FAM149A: variants seen among roughly 807,000 people sequenced by gnomAD.
The protein encoded by FAM149A is protein FAM149A.
Under a neutral mutation model 78.2 loss-of-function variants are expected in FAM149A, and 71 were observed. The ratio of observed to expected loss-of-function variants is 0.91; its 90% confidence interval spans 0.75 to 1.11. FAM149A has a LOEUF of 1.11. Among genes scored for constraint, FAM149A ranks in the 50% least tolerant of loss-of-function variants. The pLI is 0.00. For synonymous variants in FAM149A, 446 were observed against 410.5 expected, an observed-to-expected ratio of 1.09 and a Z score of -1.04; for missense variants, 1,036 against 971.0, an observed-to-expected ratio of 1.07 and a Z score of -0.89.
chr4:186,121,904 G>A (rs892724474), intron 1 of FAM149A, among the ~76,000 whole-genome samples: 6 of 152,062 alleles, frequency 3.9e-5, no homozygotes, highest in African/African-American at 9.7e-5. Context: ...TGACTCAAGC[G>A]CCCCTGTGAT....
At chr4:186,150,395 T>TCTCTC (rs1401107442) in intron 3 of FAM149A, among the ~76,000 whole-genome samples, 173 of 125,428 alleles carry the variant, frequency 1.4e-3, no homozygotes, top group African/African-American at 4.3e-3. Context: ...CTTGCTTGCT[T>TCTCTC]TCTCTCTCTC....
In FAM149A at chr4:186,163,697, G is replaced by T. The variant is rs1417356423; in HGVS notation, c.1889+64G>T. On this transcript the variant is annotated intron_variant, in intron 10 of 13. Coordinates refer to ENST00000389354, the MANE Select transcript of FAM149A (RefSeq NM_001367768.3). ...GAGGACCTAGATGCTTCTCAGTTAGGGTTTATGGATCATCCTGGACAAAGC... is the reference window on the plus strand; with the variant it reads ...GAGGACCTAGATGCTTCTCAGTTAGTGTTTATGGATCATCCTGGACAAAGC... 3.3e-6 allele frequency: 4 copies of T among 1,204,924 alleles called. No homozygotes were observed. In the East Asian group the frequency reaches 7.3e-5, roughly 22 times the overall value. The allele number at this position is 1,204,924 out of a possible 1,614,324, so 74.6% of individuals were successfully genotyped here.
chr4:186,171,907 T>A lies in FAM149A; in HGVS notation c.2219-7T>A. The A allele has an allele frequency of 6.2e-7, 1 of 1,602,878 alleles. No individual in the cohort carries two copies. Reference sequence around the variant, plus strand: ...AATGAGAATTACCTTTTGCTTGGTGTTTCCAGGTTCACAATATGTGCCTAA... The same window carrying A: ...AATGAGAATTACCTTTTGCTTGGTGATTCCAGGTTCACAATATGTGCCTAA... On this transcript the variant is annotated splice_region_variant and splice_polypyrimidine_tract_variant and intron_variant, in intron 13 of 13. Coordinates refer to ENST00000389354, the MANE Select transcript of FAM149A (RefSeq NM_001367768.3).
chr4:186,109,157 T>C (rs2099310167), intron 1 of FAM149A: 23 of 985,388 alleles, frequency 2.3e-5, no homozygotes, highest in Non-Finnish European at 2.8e-5. Flanking sequence ...GGTCTTATTC[T>C]CTTATTTGTT....
At chr4:186,145,127 G>C in intron 1 of FAM149A, 2 of 985,582 alleles carry the variant, frequency 2.0e-6, no homozygotes, top group Non-Finnish European at 2.4e-6. Context: ...GTCTCATCCG[G>C]CAGCAGGGCT....
At chr4:186,124,725 C>T (rs936611151) in intron 1 of FAM149A, among the ~76,000 whole-genome samples, 2 of 152,246 alleles carry the variant, frequency 1.3e-5, no homozygotes, top group Admixed American at 6.5e-5. Context: ...AATAAACATA[C>T]GTGTGCACGT....
intron 1 of FAM149A, among the ~76,000 whole-genome samples, chr4:186,110,891 G>C (rs1328376887): frequency 6.8e-6 from 1 of 147,312 alleles, no homozygotes; most frequent in East Asian, 2.0e-4. Context: ...ATGATTTATA[G>C]TCCTTTGGGT....
chr4:186,147,031 T>C (rs557610700), intron 1 of FAM149A: 1 of 950,922 alleles, frequency 1.1e-6, no homozygotes, highest in Non-Finnish European at 1.3e-6. Flanking sequence ...CAAAATGCTA[T>C]GGGAGGTCCA....
intron 1 of FAM149A, chr4:186,126,899 A>T: frequency 1.0e-6 from 1 of 985,336 alleles, no homozygotes. Flanking sequence ...CTTGCTCTTT[A>T]TAAATGGGCG....
chr4:186,133,935 T>C (rs4862643), intron 1 of FAM149A, among the ~76,000 whole-genome samples: 99,618 of 152,150 alleles, frequency 0.65, 32,857 homozygotes, highest in African/African-American at 0.74. Flanking sequence ...GGATTACAGG[T>C]ATGAGCCACT....
chr4:186,126,791 C>T (rs777809116), intron 1 of FAM149A: 10 of 736,404 alleles, frequency 1.4e-5, no homozygotes, highest in South Asian at 6.1e-5. Flanking sequence ...TCTGTGATTG[C>T]GTGAGCCTGT....
chr4:186,119,724 C>G (rs11724410), intron 1 of FAM149A, among the ~76,000 whole-genome samples: 14,259 of 152,224 alleles, frequency 0.094, 757 homozygotes, highest in South Asian at 0.13. Flanking sequence ...GTTAATAATT[C>G]TATTTCAGAG....
chr4:186,138,903 C>T (rs986854942), intron 1 of FAM149A, among the ~76,000 whole-genome samples: 1 of 152,146 alleles, frequency 6.6e-6, no homozygotes, highest in Admixed American at 6.5e-5. Flanking sequence ...GTCAAGCTTC[C>T]ATACTGCACT....
At position 186,154,608 on chromosome 4, in the gene FAM149A, A is replaced by T; in HGVS notation, c.1199A>T (p.Glu400Val). Residue 400 changes from glutamate to valine, a missense_variant, in exon 6 of 14, where the codon GAG becomes GTG. Physicochemically the swap from Glu to Val is moderately radical, Grantham distance 121. This residue lies in a region of FAM149A where 716 missense variants were observed against 711.8 expected (regional missense o/e 1.01). Transcript: ENST00000389354. ...GTTTACCATGTGGATGGAAAGATTGAGGAGTATTTCGCTTTTGACAGAAAA... is the reference window on the plus strand; with the variant it reads ...GTTTACCATGTGGATGGAAAGATTGTGGAGTATTTCGCTTTTGACAGAAAA... 1 of 1,614,140 alleles carries T rather than the reference A, an allele frequency of 6.2e-7. No individual in the cohort carries two copies. The highest frequency in any genetic ancestry group is 8.5e-7 in the Non-Finnish European group (1 of 1,180,010).
intron 1 of FAM149A, among the ~76,000 whole-genome samples, chr4:186,110,918 G>C (rs2099310987): frequency 1.4e-5 from 2 of 143,230 alleles, no homozygotes; most frequent in Non-Finnish European, 3.0e-5. Flanking sequence ...CCAGTAATGG[G>C]ATGGCTGGGT....
chr4:186,164,875 C>A lies in FAM149A; in HGVS notation c.1890-469C>A, dbSNP rs938880182. 2.0e-5 allele frequency among the ~76,000 whole-genome samples: 3 copies of A among 152,166 alleles called. No individual in the cohort carries two copies. Among genetic ancestry groups the A allele is most frequent in the Non-Finnish European group, 4.4e-5 (3 of 68,036 alleles). Reference sequence around the variant, plus strand: ...TGCCACCCTGAGGAGCCCTTTTCGACCATTCTTCCCAATTGCTCTCCCTAC... The same window carrying A: ...TGCCACCCTGAGGAGCCCTTTTCGAACATTCTTCCCAATTGCTCTCCCTAC... On this transcript the variant is annotated intron_variant, in intron 10 of 13. Transcript: ENST00000389354. This position sits in a 1 kb window ranked among gnomAD's most constrained non-coding sequence, Gnocchi z 4.0.
intron 1 of FAM149A, among the ~76,000 whole-genome samples, chr4:186,137,480 A>G (rs2099323954): frequency 6.6e-6 from 1 of 152,118 alleles, no homozygotes; most frequent in African/African-American, 2.4e-5. Flanking sequence ...GTTCACTGAA[A>G]TGCTGACTTC....
At chr4:186,127,031 A>T (rs1212379573) in intron 1 of FAM149A, 10 of 985,296 alleles carry the variant, frequency 1.0e-5, no homozygotes, top group Non-Finnish European at 1.1e-5. Flanking sequence ...TATGCCAATT[A>T]CAAGTGTTGC....
chr4:186,156,141 A>G lies in FAM149A; in HGVS notation c.1371A>G (p.Val457=). ...TTGATCACGTCTGGACAAATATGGTAGAACTTTTGGAAGAGCTGATTAGAA... is the reference window on the plus strand; with the variant it reads ...TTGATCACGTCTGGACAAATATGGTGGAACTTTTGGAAGAGCTGATTAGAA... The change falls in exon 7 of 14, where the codon GTA becomes GTG. Residue 457 remains valine, a synonymous_variant. Transcript: ENST00000389354. The G allele has an allele frequency of 1.2e-6, 2 of 1,613,792 alleles. No homozygotes were observed. Among genetic ancestry groups the G allele is most frequent in the South Asian group, 1.1e-5 (1 of 90,972 alleles).
Sources: allele counts gnomAD v4.1 joint callset (sites outside exome capture counted in the v4.1 genomes callset), GRCh38; gene constraint gnomAD v4.1.1; regional missense constraint gnomAD v4.1.1; non-coding constraint Gnocchi (gnomAD v3.1); transcripts MANE v1.5; gene names NCBI Gene and HGNC (gene_info 2026-07-23, HGNC 2026-07-21).